Variants in SMIM22 observed in about 807,000 individuals in gnomAD.
The protein encoded by SMIM22 is small integral membrane protein 22, also known as cancer associated small integral membrane open reading frame 1.
Under a neutral mutation model 8.4 loss-of-function variants are expected in SMIM22, and 16 were observed. That is an observed-to-expected ratio of 1.90 (90% CI 1.29 to 2.89). The LOEUF is 2.89. Among genes scored for constraint, SMIM22 ranks in the 30% most tolerant of loss-of-function variants. The pLI, the probability that SMIM22 is intolerant of heterozygous loss-of-function variation, is 0.00. For missense variants in SMIM22, 159 were observed against 107.5 expected (o/e 1.48, Z -2.12); for synonymous variants, 67 against 47.6 (o/e 1.41, Z -1.68).
chr16:4,793,719 T>C (rs1168589477), upstream of SMIM22, among the ~76,000 whole-genome samples: 1 of 152,240 alleles, frequency 6.6e-6, no homozygotes, highest in Non-Finnish European at 1.5e-5. Flanking sequence ...TTTTGCTTAC[T>C]GTTCCCTATA....
At chr16:4,789,368 C>A (rs2082513074) in intron 2 of SMIM22, among the ~76,000 whole-genome samples, 1 of 151,784 alleles carries the variant, frequency 6.6e-6, no homozygotes, top group Non-Finnish European at 1.5e-5. Flanking sequence ...CTCTGTCACC[C>A]AGGCTGGAGT....
At chr16:4,793,702 CAG>C (rs1278769708), upstream of SMIM22, among the ~76,000 whole-genome samples, 2 of 152,166 alleles carry the variant, frequency 1.3e-5, no homozygotes, top group African/African-American at 2.4e-5. Context: ...TGGACATGTA[CAG>C]ACTTTTTTGC....
upstream of SMIM22, among the ~76,000 whole-genome samples, chr16:4,790,549 G>C (rs2082536134): frequency 6.6e-6 from 1 of 152,210 alleles, no homozygotes; most frequent in Admixed American, 6.5e-5. Context: ...CAGCACTTCA[G>C]GAGGCCAAGG....
At chr16:4,791,071 G>T (rs895393083), upstream of SMIM22, among the ~76,000 whole-genome samples, 1 of 152,214 alleles carries the variant, frequency 6.6e-6, no homozygotes, top group African/African-American at 2.4e-5. Context: ...ACGTACCTCT[G>T]GGGATGTCCC....
chr16:4,795,964 G>C lies in SMIM22; in HGVS notation c.141G>C (p.Leu47=). 1.3e-6 allele frequency: 2 copies of C among 1,504,340 alleles called. No individual in the cohort carries two copies. The highest frequency in any genetic ancestry group is 1.8e-6 in the Non-Finnish European group (2 of 1,130,570). 93.2% of individuals were successfully genotyped at this position (1,504,340 alleles called of 1,614,324 possible). The change falls in exon 3 of 4, where the codon CTG becomes CTC. Residue 47 remains leucine, a synonymous_variant. Transcript: ENST00000586005. ...FLTFMGTVLL[L]LLLVVAHCCC... ...TGTCCCCAGGCACCGTGCTGCTCCT[G>C]CTGCTGCTGGTCGTCGCCCACTGCT... is the stretch of plus-strand genomic sequence containing the variant.
At position 4,795,859 on chromosome 16, in the gene SMIM22, G is replaced by T; in HGVS notation, c.124+1G>T. 1 of 1,535,862 alleles carries T rather than the reference G, an allele frequency of 6.5e-7. No individual in the cohort carries two copies. Among genetic ancestry groups the T allele is most frequent in the Non-Finnish European group, 8.7e-7 (1 of 1,146,732 alleles). ...TTCATTGTTTTCCTCACCTTCATGGGTAAGTGTGGCTGTGGCCTCTGGGTC... is the reference window on the plus strand; with the variant it reads ...TTCATTGTTTTCCTCACCTTCATGGTTAAGTGTGGCTGTGGCCTCTGGGTC... On this transcript the variant is annotated splice_donor_variant, in intron 2 of 3. Coordinates refer to ENST00000586005, the MANE Select transcript of SMIM22 (RefSeq NM_001253794.2). LOFTEE classifies it high-confidence loss of function.
upstream of SMIM22, chr16:4,794,906 A>C (rs1052791601): frequency 4.8e-4 from 73 of 152,364 alleles, no homozygotes; most frequent in African/African-American, 1.7e-3. Context: ...TAAAGTATAG[A>C]GTATATGCAC....
upstream of SMIM22, among the ~76,000 whole-genome samples, chr16:4,794,374 T>A (rs2082599939): frequency 6.6e-6 from 1 of 152,046 alleles, no homozygotes; most frequent in Non-Finnish European, 1.5e-5. Flanking sequence ...CCCAAAGTGC[T>A]GGGATTACAG....
upstream of SMIM22, among the ~76,000 whole-genome samples, chr16:4,793,207 C>A (rs541927480): frequency 6.6e-6 from 1 of 151,540 alleles, no homozygotes; most frequent in South Asian, 2.1e-4. Flanking sequence ...AGACCACAAG[C>A]CCAGGAATGC....
In SMIM22 at chr16:4,795,436, G is replaced by C. The variant is rs899686036; in HGVS notation, c.-34G>C. 1.5e-5 allele frequency: 6 copies of C among 408,588 alleles called. No individual in the cohort carries two copies. The highest frequency in any genetic ancestry group is 1.2e-4 in the African/African-American group (6 of 48,216). The allele number at this position is 408,588 out of a possible 1,614,324, so 25.3% of individuals were successfully genotyped here. Reference sequence around the variant, plus strand: ...AGGACCTGCCTGGTTGGGGGAATTGGAGGCTTCTAGGAGGTAGGTGGGGGC... The same window carrying C: ...AGGACCTGCCTGGTTGGGGGAATTGCAGGCTTCTAGGAGGTAGGTGGGGGC... On this transcript the variant is annotated 5_prime_UTR_variant, in exon 1 of 4. Transcript: ENST00000586005.
In SMIM22 at chr16:4,795,961, C is replaced by CCTG; in HGVS notation, c.148_150dup (p.Leu50dup). ...TCCTGTCCCCAGGCACCGTGCTGCTCCTGCTGCTGCTGGTCGTCGCCCACT... is the reference window on the plus strand; with the variant it reads ...TCCTGTCCCCAGGCACCGTGCTGCTCCTGCTGCTGCTGCTGGTCGTCGCCCACT... On this transcript the variant is annotated inframe_insertion, in exon 3 of 4. Transcript: ENST00000586005. The CCTG allele has an allele frequency of 6.6e-7, 1 of 1,507,608 alleles. No homozygotes were observed. Among genetic ancestry groups the CCTG allele is most frequent in the Non-Finnish European group, 8.8e-7 (1 of 1,132,104 alleles). The allele number at this position is 1,507,608 out of a possible 1,614,324, so 93.4% of individuals were successfully genotyped here. A position where few individuals can be genotyped will look rare whatever the true frequency, so the allele number is the denominator to read the frequency against.
chr16:4,789,875 CTCTTTCTTTTT>C (rs1211772309), intron 2 of SMIM22: 7 of 151,932 alleles, frequency 4.6e-5, no homozygotes, highest in Admixed American at 1.3e-4. Context: ...CAAATGTTTT[CTCTTTCTTTTT>C]TCTTTCTTTT....
chr16:4,793,662 A>C (rs2082588882), upstream of SMIM22, among the ~76,000 whole-genome samples: 1 of 152,240 alleles, frequency 6.6e-6, no homozygotes, highest in Non-Finnish European at 1.5e-5. Flanking sequence ...CCACAGACAG[A>C]AAATATTTGG....
At chr16:4,790,058 G>C (rs966478473) in intron 2 of SMIM22, 1 of 151,930 alleles carries the variant, frequency 6.6e-6, no homozygotes. Flanking sequence ...GGGACTTCAG[G>C]TACGTAGACC....
upstream of SMIM22, chr16:4,788,409 ACCC>A (rs947307210): frequency 2.6e-5 from 4 of 152,366 alleles, no homozygotes; most frequent in Middle Eastern, 3.2e-3. Flanking sequence ...ACTTGCTGTG[ACCC>A]CCACCTGGAG....
chr16:4,790,509 GC>G (rs1296176567), upstream of SMIM22, among the ~76,000 whole-genome samples: 2 of 152,216 alleles, frequency 1.3e-5, no homozygotes, highest in Non-Finnish European at 2.9e-5. Flanking sequence ...CTAGGGGTCA[GC>G]CAGGTGCGTT....
chr16:4,795,514 A>G (rs1459648942), intron 1 of SMIM22, 65 bp downstream of exon 1: 1 of 612,622 alleles, frequency 1.6e-6, no homozygotes, highest in South Asian at 2.1e-5. Flanking sequence ...GTGGCTGGGG[A>G]GAAGGTTGTC....
rs1010842083 is a variant in SMIM22 at position 4,795,400 on chromosome 16, C to T, written c.-70C>T. 1.7e-5 allele frequency: 5 copies of T among 295,756 alleles called. No individual in the cohort carries two copies. Among genetic ancestry groups the T allele is most frequent in the Admixed American group, 4.9e-5 (1 of 20,516 alleles). The allele number at this position is 295,756 out of a possible 1,614,324, so 18.3% of individuals were successfully genotyped here. A position where few individuals can be genotyped will look rare whatever the true frequency, so the allele number is the denominator to read the frequency against. On this transcript the variant is annotated 5_prime_UTR_variant, in exon 1 of 4. Transcript: ENST00000586005. ...TGTGGAGCCGGAAGCAGGAAGCAGC[C>T]TGTGCTCCCCAGGACCTGCCTGGTT...
chr16:4,792,105 G>A (rs1363184162), upstream of SMIM22, among the ~76,000 whole-genome samples: 1 of 152,198 alleles, frequency 6.6e-6, no homozygotes, highest in East Asian at 1.9e-4. Flanking sequence ...GGAAGACTGA[G>A]GGCCAGAGGG....
Sources: allele counts gnomAD v4.1 joint callset (sites outside exome capture counted in the v4.1 genomes callset), GRCh38; gene constraint gnomAD v4.1.1; transcripts MANE v1.5; gene names NCBI Gene and HGNC (gene_info 2026-07-23, HGNC 2026-07-21).